The following SH3BP5 variants were observed in gnomAD, a reference collection of about 807,000 sequenced individuals.
The protein encoded by SH3BP5 is SH3 domain binding protein 5.
Under a neutral mutation model 43.3 loss-of-function variants are expected in SH3BP5, and 22 were observed. The observed-to-expected ratio is 0.51, with a 90% CI of 0.36 to 0.73. The LOEUF (loss-of-function observed/expected upper bound fraction) is 0.73. SH3BP5 is among the 30% of genes least tolerant of loss of function. The pLI, the probability that SH3BP5 is intolerant of heterozygous loss-of-function variation, is 0.00. For missense variants in SH3BP5, 529 were observed against 586.9 expected (o/e 0.90, Z 1.02); for synonymous variants, 255 against 225.8 (o/e 1.13, Z -1.16).
chr3:15,277,003 T>A (rs542057725), intron 3 of SH3BP5, among the ~76,000 whole-genome samples: 194 of 152,004 alleles, frequency 1.3e-3, no homozygotes, highest in African/African-American at 3.0e-3. Context: ...CAGGCTGGAG[T>A]GCAATGGTGC....
At chr3:15,300,094 G>A (rs826423) in intron 3 of SH3BP5, among the ~76,000 whole-genome samples, 83,830 of 151,840 alleles carry the variant, frequency 0.55, 23,920 homozygotes, top group African/African-American at 0.71. Context: ...CATCAAAAGT[G>A]GAAAATGCAT....
In SH3BP5 at chr3:15,332,380, G is replaced by C; in HGVS notation, c.29C>G (p.Ser10Trp). ...CGGCAGGATTTCGGCTGGCTCCTCC[G>C]AGCGGCTCCGCTTCAGTGCCGCGTC... MDAALKRSR[S>W]EEPAEILPPA... The change falls in exon 1 of 9, where the codon TCG becomes TGG. Residue 10 changes from serine (S) to tryptophan (W), a missense_variant. Around this residue, in one of 3 missense-constraint regions of SH3BP5, gnomAD observed 75 missense variants for 61.8 expected, o/e 1.21. Coordinates refer to ENST00000383791, the MANE Select transcript of SH3BP5 (RefSeq NM_004844.5). 2 of 1,538,216 alleles carry C rather than the reference G, an allele frequency of 1.3e-6. No homozygotes were observed. The highest frequency in any genetic ancestry group is 1.2e-5 in the South Asian group (1 of 84,098).
At chr3:15,335,740 A>G (rs79955496), upstream of SH3BP5, among the ~76,000 whole-genome samples, 5 of 152,300 alleles carry the variant, frequency 3.3e-5, no homozygotes, top group East Asian at 7.7e-4. Flanking sequence ...GGACAACTGT[A>G]TATATTCCCT....
At chr3:15,280,348 CCTGAGCTGGGGGTAGA>C (rs1697088782) in intron 3 of SH3BP5, among the ~76,000 whole-genome samples, 1 of 152,014 alleles carries the variant, frequency 6.6e-6, no homozygotes, top group Admixed American at 6.6e-5. Flanking sequence ...AAGGCAGGGG[CCTGAGCTGGGGGTAGA>C]CAGCAGTACC....
intron 3 of SH3BP5, among the ~76,000 whole-genome samples, chr3:15,275,259 TCTAA>T (rs897467397): frequency 1.3e-5 from 2 of 152,244 alleles, no homozygotes; most frequent in Admixed American, 1.3e-4. Flanking sequence ...TACACACTTA[TCTAA>T]CTGAGGAAAG....
At chr3:15,270,573 C>T (rs1696769122) in intron 3 of SH3BP5, among the ~76,000 whole-genome samples, 1 of 152,130 alleles carries the variant, frequency 6.6e-6, no homozygotes, top group Non-Finnish European at 1.5e-5. Flanking sequence ...GAACCAATAC[C>T]AACTGTAGCT....
chr3:15,289,832 A>C (rs1278997309), intron 3 of SH3BP5, among the ~76,000 whole-genome samples: 1 of 152,188 alleles, frequency 6.6e-6, no homozygotes, highest in Admixed American at 6.5e-5. Context: ...CCCACTGTAG[A>C]TACCTTCTAC....
chr3:15,290,475 G>A (rs1359517775), intron 3 of SH3BP5, among the ~76,000 whole-genome samples: 2 of 146,252 alleles, frequency 1.4e-5, no homozygotes, highest in Admixed American at 7.0e-5. Flanking sequence ...GCAGTGAGCC[G>A]AGATTGCGCC....
chr3:15,292,451 T>G (rs1215379146), intron 3 of SH3BP5, among the ~76,000 whole-genome samples: 2 of 152,218 alleles, frequency 1.3e-5, no homozygotes, highest in African/African-American at 4.8e-5. Flanking sequence ...TCCAGCCCAG[T>G]GCTTCCTGGC....
chr3:15,315,979 G>A (rs1271057409), intron 2 of SH3BP5, among the ~76,000 whole-genome samples: 1 of 151,992 alleles, frequency 6.6e-6, no homozygotes, highest in African/African-American at 2.4e-5. Flanking sequence ...AATTAACATT[G>A]GTACAACGCT....
intron 2 of SH3BP5, among the ~76,000 whole-genome samples, chr3:15,321,006 GA>G (rs1698312028): frequency 6.6e-6 from 1 of 152,162 alleles, no homozygotes; most frequent in African/African-American, 2.4e-5. Context: ...AAACGCCTAG[GA>G]TTTTTTAAGG....
chr3:15,260,015 T>A (rs1313566800), intron 5 of SH3BP5: 2 of 593,888 alleles, frequency 3.4e-6, no homozygotes, highest in Non-Finnish European at 6.0e-6. Context: ...CCCAGGGCTA[T>A]ATTAACAGGA....
intron 3 of SH3BP5, among the ~76,000 whole-genome samples, chr3:15,291,303 T>C (rs998705758): frequency 2.6e-5 from 4 of 152,172 alleles, no homozygotes; most frequent in Admixed American, 2.0e-4. Flanking sequence ...CCACATGCTG[T>C]GGATTCAGGA....
At chr3:15,265,573 C>T (rs1696617002) in intron 4 of SH3BP5, among the ~76,000 whole-genome samples, 1 of 147,996 alleles carries the variant, frequency 6.8e-6, no homozygotes, top group South Asian at 2.1e-4. Flanking sequence ...CCTCCAGCTC[C>T]TGGAAGAGAC....
chr3:15,282,234 A>G (rs1183885423), intron 3 of SH3BP5, among the ~76,000 whole-genome samples: 2 of 152,226 alleles, frequency 1.3e-5, no homozygotes, highest in South Asian at 4.1e-4. Context: ...AGGAAGCCTC[A>G]GTTACAGTAC....
At position 15,278,249 on chromosome 3, in the gene SH3BP5, C is replaced by G. The variant is rs541266945; in HGVS notation, c.331-8372G>C. ...GCTAGAAGCTCATGAAGAAAAGCAT[C>G]AGAGGCCTTTCCAACCCAACCGAGG... On this transcript the variant is annotated intron_variant, in intron 3 of 8. Transcript: ENST00000383791. Among the ~76,000 whole-genome samples the G allele has an allele frequency of 1.1e-4, 16 of 152,380 alleles. No individual in the cohort carries two copies. In the South Asian group the frequency reaches 3.3e-3, roughly 32 times the overall value.
chr3:15,281,150 G>A (rs147974298), intron 3 of SH3BP5, among the ~76,000 whole-genome samples: 39 of 152,332 alleles, frequency 2.6e-4, no homozygotes, highest in African/African-American at 8.7e-4. Flanking sequence ...GATGCCAGAA[G>A]AGGAAAGAGC....
intron 2 of SH3BP5, among the ~76,000 whole-genome samples, chr3:15,326,516 T>A (rs1698467574): frequency 6.6e-6 from 1 of 152,202 alleles, no homozygotes; most frequent in African/African-American, 2.4e-5. Flanking sequence ...GACAGCAGAA[T>A]ACCTTCCCCT....
rs555071699 is a variant in SH3BP5 at position 15,295,480 on chromosome 3, G to T, written c.330+8623C>A. ...TGACATTTTTGTGCTTTTTGTTGAT[G>T]ATTTTTCTCTATAAATTGGCCTCCA... is the stretch of plus-strand genomic sequence containing the variant. On this transcript the variant is annotated intron_variant, in intron 3 of 8. Transcript: ENST00000383791. Among the ~76,000 whole-genome samples the T allele has an allele frequency of 2.0e-5, 3 of 152,222 alleles. No homozygotes were observed. The South Asian group carries it at 6.2e-4, about 32-fold the overall frequency.
Sources: allele counts gnomAD v4.1 joint callset (sites outside exome capture counted in the v4.1 genomes callset), GRCh38; gene constraint gnomAD v4.1.1; regional missense constraint gnomAD v4.1.1; transcripts MANE v1.5; gene names NCBI Gene and HGNC (gene_info 2026-07-23, HGNC 2026-07-21).